POU2F1: variants seen among roughly 807,000 people sequenced by gnomAD.
The protein encoded by POU2F1 is POU domain, class 2, transcription factor 1.
A neutral mutation model predicts 84.9 loss-of-function variants in POU2F1; 16 were observed. The ratio of observed to expected loss-of-function variants is 0.19; its 90% CI spans 0.13 to 0.29. The LOEUF (loss-of-function observed/expected upper bound fraction) is 0.29. Among genes scored for constraint, POU2F1 ranks in the 10% least tolerant of loss-of-function variants. POU2F1 has a pLI of 1.00. For missense variants in POU2F1, 738 were observed against 942.6 expected (o/e 0.78, Z 2.84); for synonymous variants, 368 against 368.3 (o/e 1.00, Z 0.01).
chr1:167,414,701 CATT>C, intron 15 of POU2F1: 1 of 985,192 alleles, frequency 1.0e-6, no homozygotes, highest in African/African-American at 1.7e-5. Context: ...CCACCTACAT[CATT>C]ATGTCTAATT....
intron 1 of POU2F1, among the ~76,000 whole-genome samples, chr1:167,326,860 G>A (rs1656741925): frequency 6.6e-6 from 1 of 152,190 alleles, no homozygotes; most frequent in South Asian, 2.1e-4. Flanking sequence ...CAGTAGAAAG[G>A]TAGTTTAGAG....
At position 167,417,813 on chromosome 1, in the gene POU2F1, G is replaced by C; in HGVS notation, c.*2003G>C. On this transcript the variant is annotated 3_prime_UTR_variant, in exon 16 of 16. Transcript: ENST00000367866. Reference sequence around the variant, plus strand: ...GTAAGGCAGTAAATACAGACACAATGTGTACTTTTGTGTGTGATTCAAGTG... The same window carrying C: ...GTAAGGCAGTAAATACAGACACAATCTGTACTTTTGTGTGTGATTCAAGTG... 6.6e-6 allele frequency: 1 copy of C among 152,204 alleles called. No homozygotes were observed. Among genetic ancestry groups the C allele is most frequent in the East Asian group, 1.9e-4 (1 of 5,202 alleles). 9.4% of individuals were successfully genotyped at this position (152,204 alleles called of 1,614,324 possible). A position where few individuals can be genotyped will look rare whatever the true frequency, so the allele number is the denominator to read the frequency against.
At chr1:167,391,695 G>C (rs1648421858) in intron 9 of POU2F1, among the ~76,000 whole-genome samples, 1 of 147,196 alleles carries the variant, frequency 6.8e-6, no homozygotes, top group South Asian at 2.1e-4. Context: ...TCTGTCTCCT[G>C]AGTAGCTGGG....
intron 1 of POU2F1, among the ~76,000 whole-genome samples, chr1:167,238,205 C>T (rs1649645691): frequency 6.6e-6 from 1 of 151,884 alleles, no homozygotes; most frequent in East Asian, 1.9e-4. Context: ...TTATTTGTTT[C>T]ATTTTGTCTC....
chr1:167,398,988 T>C (rs1056601612), intron 11 of POU2F1, among the ~76,000 whole-genome samples, 198 bp from the exon 12 acceptor site: 10 of 152,214 alleles, frequency 6.6e-5, no homozygotes, highest in African/African-American at 2.4e-4. Flanking sequence ...GGATAACTTA[T>C]CCTAAGTTAA....
intron 11 of POU2F1, among the ~76,000 whole-genome samples, chr1:167,398,606 T>C (rs1362918721): frequency 1.3e-5 from 2 of 152,206 alleles, no homozygotes; most frequent in Non-Finnish European, 2.9e-5. Context: ...AGTGTTAGGC[T>C]ATGGAGCTTA....
intron 12 of POU2F1, among the ~76,000 whole-genome samples, chr1:167,400,341 C>T (rs1412336544): frequency 6.6e-6 from 1 of 152,114 alleles, no homozygotes; most frequent in African/African-American, 2.4e-5. Context: ...TCTTTCATCA[C>T]ATTTCCATCA....
At chr1:167,402,596 T>C (rs1374756394) in intron 13 of POU2F1, among the ~76,000 whole-genome samples, 1 of 152,206 alleles carries the variant, frequency 6.6e-6, no homozygotes, top group African/African-American at 2.4e-5. Context: ...ATATACACAA[T>C]TTTTAGTAAA....
rs1650335768 is a variant in POU2F1, at chr1:167,416,621, A to T, written c.*811A>T. 6.5e-6 allele frequency: 1 copy of T among 152,948 alleles called. No homozygotes were observed. Among genetic ancestry groups the T allele is most frequent in the Non-Finnish European group, 1.5e-5 (1 of 68,656 alleles). 9.5% of individuals were successfully genotyped at this position (152,948 alleles called of 1,614,324 possible). On this transcript the variant is annotated 3_prime_UTR_variant, in exon 16 of 16. Transcript: ENST00000367866. ...CACTTATGCAAGAGGCTTGGTGCAG[A>T]AGCTGAAGGCAGTGTGTGCAAACAC...
At chr1:167,284,159 T>C (rs1653359555) in intron 1 of POU2F1, among the ~76,000 whole-genome samples, 3 of 152,226 alleles carry the variant, frequency 2.0e-5, no homozygotes, top group African/African-American at 7.2e-5. Flanking sequence ...TTCTGTCTGC[T>C]CTAAACAGTA....
At chr1:167,367,263 A>G (rs1313578834) in intron 3 of POU2F1, among the ~76,000 whole-genome samples, 2 of 152,202 alleles carry the variant, frequency 1.3e-5, no homozygotes, top group East Asian at 1.9e-4. Context: ...TACCATAATT[A>G]TAATATACAT....
At chr1:167,272,300 C>CG (rs1553200708) in intron 1 of POU2F1, among the ~76,000 whole-genome samples, 1 of 122,596 alleles carries the variant, frequency 8.2e-6, no homozygotes, top group Non-Finnish European at 1.7e-5. Context: ...TAAATATTAC[C>CG]TTTTTTTTTT....
intron 13 of POU2F1, among the ~76,000 whole-genome samples, chr1:167,411,634 G>A (rs1237549703): frequency 6.6e-6 from 1 of 151,956 alleles, no homozygotes; most frequent in Non-Finnish European, 1.5e-5. Flanking sequence ...TTCTTCTTTT[G>A]CTTTCTTTTT....
At chr1:167,264,714 T>A (rs1373137435) in intron 1 of POU2F1, among the ~76,000 whole-genome samples, 1 of 152,194 alleles carries the variant, frequency 6.6e-6, no homozygotes, top group East Asian at 1.9e-4. Context: ...CTATTCTTTT[T>A]TTATCTTTTT....
At chr1:167,276,992 C>T (rs1652773574) in intron 1 of POU2F1, among the ~76,000 whole-genome samples, 1 of 152,096 alleles carries the variant, frequency 6.6e-6, no homozygotes, top group African/African-American at 2.4e-5. Flanking sequence ...CAGTCTAAGC[C>T]ATGGAATAGT....
chr1:167,298,143 A>C (rs1051514978), intron 1 of POU2F1, among the ~76,000 whole-genome samples: 1 of 152,030 alleles, frequency 6.6e-6, no homozygotes, highest in African/African-American at 2.4e-5. Context: ...CAACAACAAC[A>C]ACAACAACAA....
At chr1:167,363,363 A>C (rs1322111551) in intron 2 of POU2F1, among the ~76,000 whole-genome samples, 1 of 152,190 alleles carries the variant, frequency 6.6e-6, no homozygotes, top group African/African-American at 2.4e-5. Context: ...ATGTTTCTCT[A>C]ATGGTGAACA....
At position 167,243,847 on chromosome 1, in the gene POU2F1, A is replaced by C. The variant is rs910237045; in HGVS notation, c.61+22889A>C. 3.9e-5 allele frequency among the ~76,000 whole-genome samples: 6 copies of C among 152,354 alleles called. No homozygotes were observed. The East Asian group carries it at 1.2e-3, about 29-fold the overall frequency. On this transcript the variant is annotated intron_variant, in intron 1 of 15. Coordinates refer to ENST00000367866, the MANE Select transcript of POU2F1 (RefSeq NM_002697.4). Reference sequence around the variant, plus strand: ...TAACATGTCCCATGTAATTAGCATCATGACCACTATCACAAACATACTGAT... The same window carrying C: ...TAACATGTCCCATGTAATTAGCATCCTGACCACTATCACAAACATACTGAT...
chr1:167,351,572 A>G (rs1176301084), intron 2 of POU2F1, among the ~76,000 whole-genome samples: 1 of 151,126 alleles, frequency 6.6e-6, no homozygotes, highest in Non-Finnish European at 1.5e-5. Flanking sequence ...AAAAGAAACT[A>G]TTAATGTTAT....
Sources: gnomAD v4.1 joint callset for allele counts (sites outside exome capture counted in the v4.1 genomes callset) on GRCh38, gnomAD v4.1.1 for gene constraint, MANE v1.5 for transcripts, NCBI Gene and HGNC (gene_info 2026-07-23, HGNC 2026-07-21) for gene names.